Variants in PSMB7 observed in about 807,000 individuals in gnomAD.
PSMB7 encodes proteasome subunit beta type-7.
PSMB7 carries 5 observed loss-of-function variants against 28.1 expected under a neutral mutation model. That is an observed-to-expected ratio of 0.18 (90% CI 0.09 to 0.37). The LOEUF (loss-of-function observed/expected upper bound fraction) is 0.37. Ranked by LOEUF, PSMB7 falls within the 10% of genes least tolerant of loss-of-function variation. The probability of loss-of-function intolerance (pLI) is 1.00; values close to 1 mark genes in which losing one functional copy is unlikely to be tolerated. For synonymous variants in PSMB7, 122 were observed against 123.7 expected, an observed-to-expected ratio of 0.99 and a Z score of 0.09; for missense variants, 275 against 346.2, an observed-to-expected ratio of 0.79 and a Z score of 1.63.
chr9:124,375,638 C>T lies in PSMB7; in HGVS notation c.570+8960G>A, dbSNP rs567979778. 5.9e-5 allele frequency among the ~76,000 whole-genome samples: 9 copies of T among 152,154 alleles called. 1 individual carries two copies. Among genetic ancestry groups the T allele is most frequent in the South Asian group, 4.2e-4 (2 of 4,814 alleles). On this transcript the variant is annotated intron_variant, in intron 6 of 7. Transcript: ENST00000259457. ...CTCATTAAGCTGACACCTATTAAAG[C>T]GCCATAAGAAAAACAGCCTGAAACA...
Position 124,356,730 on chromosome 9 carries a change from G to T in PSMB7, c.722+34C>A, listed in dbSNP as rs137977915. The T allele has an allele frequency of 2.6e-3, 4,184 of 1,595,950 alleles. 12 individuals are homozygous for T. Among genetic ancestry groups the T allele is most frequent in the Non-Finnish European group, 3.0e-3 (3,524 of 1,167,044 alleles). ...ATACCAAGGGTGGCCACGACGCCAG[G>T]GGACCCAGGAAGAACTTCGTCTCCT... On this transcript the variant is annotated intron_variant, in intron 7 of 7. Transcript: ENST00000259457. This position sits in a 1 kb window ranked among gnomAD's most constrained non-coding sequence, Gnocchi z 4.4.
At chr9:124,378,636 T>A (rs545216989) in intron 6 of PSMB7, among the ~76,000 whole-genome samples, 11 of 152,348 alleles carry the variant, frequency 7.2e-5, no homozygotes, top group African/African-American at 2.2e-4. Flanking sequence ...TCTACCCATT[T>A]TAATGAATTG....
At chr9:124,379,524 A>G (rs2131157543) in intron 6 of PSMB7, among the ~76,000 whole-genome samples, 1 of 152,348 alleles carries the variant, frequency 6.6e-6, no homozygotes. Context: ...AAGATTTTTA[A>G]TGTGCCCTAA....
intron 6 of PSMB7, among the ~76,000 whole-genome samples, chr9:124,371,808 G>A (rs1311497809): frequency 2.6e-5 from 4 of 152,214 alleles, no homozygotes; most frequent in Admixed American, 6.5e-5. Context: ...AAACACTTAC[G>A]AATTCAACAC....
At chr9:124,373,703 C>A (rs1830583784) in intron 6 of PSMB7, among the ~76,000 whole-genome samples, 1 of 152,096 alleles carries the variant, frequency 6.6e-6, no homozygotes, top group Admixed American at 6.5e-5. Context: ...AGGATGACTA[C>A]AATCCAAAGG....
intron 6 of PSMB7, among the ~76,000 whole-genome samples, chr9:124,381,077 G>C (rs1223706196): frequency 6.6e-6 from 1 of 152,166 alleles, no homozygotes; most frequent in Non-Finnish European, 1.5e-5. Flanking sequence ...TCTGAAACCT[G>C]GTGTGCGTTT....
intron 5 of PSMB7, among the ~76,000 whole-genome samples, chr9:124,400,745 A>C (rs1009053443): frequency 4.3e-5 from 3 of 69,360 alleles, no homozygotes; most frequent in African/African-American, 1.7e-4. Flanking sequence ...TGCTTGCAAC[A>C]GAGAATTCTG....
intron 6 of PSMB7, among the ~76,000 whole-genome samples, chr9:124,374,869 C>T (rs1410548862): frequency 1.3e-5 from 2 of 152,030 alleles, no homozygotes; most frequent in East Asian, 1.9e-4. Flanking sequence ...TGGCCAGGCA[C>T]GGTGGCTCAT....
At chr9:124,397,439 C>A (rs1436162460) in intron 5 of PSMB7, among the ~76,000 whole-genome samples, 1 of 152,176 alleles carries the variant, frequency 6.6e-6, no homozygotes, top group Non-Finnish European at 1.5e-5. Context: ...GCGCTCAATG[C>A]AGATCAGCTG....
chr9:124,375,986 A>G (rs895122375), intron 6 of PSMB7, among the ~76,000 whole-genome samples: 1 of 152,198 alleles, frequency 6.6e-6, no homozygotes, highest in Non-Finnish European at 1.5e-5. Flanking sequence ...AAGATCACTA[A>G]TGAATACAGA....
chr9:124,357,012 G>C (rs1172083962), intron 6 of PSMB7, 97 bp from the exon 7 acceptor site: 2 of 1,316,044 alleles, frequency 1.5e-6, no homozygotes, highest in Admixed American at 2.1e-5. Context: ...AAGACCTCCC[G>C]CGAGACAGGT....
chr9:124,405,527 A>T, intron 4 of PSMB7, 95 bp from the exon 5 acceptor site: 2 of 798,974 alleles, frequency 2.5e-6, no homozygotes, highest in Non-Finnish European at 4.2e-6. Context: ...GGTAACAAAA[A>T]GTTTTCCTTA....
intron 5 of PSMB7, among the ~76,000 whole-genome samples, chr9:124,402,246 C>G (rs769394034): frequency 6.6e-6 from 1 of 152,148 alleles, no homozygotes. Context: ...CTTGGACAGA[C>G]AGGAGGTCAC....
At chr9:124,362,490 G>C (rs1030413249) in intron 6 of PSMB7, among the ~76,000 whole-genome samples, 1 of 152,206 alleles carries the variant, frequency 6.6e-6, no homozygotes, top group Non-Finnish European at 1.5e-5. Context: ...ATTTCCCTGT[G>C]TCTTTCTGAA....
At chr9:124,403,860 A>C (rs965588692) in intron 5 of PSMB7, among the ~76,000 whole-genome samples, 38 of 149,428 alleles carry the variant, frequency 2.5e-4, no homozygotes, top group African/African-American at 6.9e-4. Context: ...CTCAAATCTC[A>C]CCTTCTTCAT....
chr9:124,357,603 T>G (rs771798988), intron 6 of PSMB7, among the ~76,000 whole-genome samples: 4 of 152,150 alleles, frequency 2.6e-5, no homozygotes, highest in Non-Finnish European at 4.4e-5. Context: ...TGAATCACTC[T>G]CTCCTTTGCC....
intron 6 of PSMB7, among the ~76,000 whole-genome samples, chr9:124,365,828 T>C (rs1830501799): frequency 6.6e-6 from 1 of 152,084 alleles, no homozygotes; most frequent in Non-Finnish European, 1.5e-5. Context: ...GGCAGGAGGA[T>C]TACTTGAGCC....
chr9:124,366,283 C>T (rs776785485), intron 6 of PSMB7, among the ~76,000 whole-genome samples: 14 of 152,024 alleles, frequency 9.2e-5, no homozygotes, highest in Non-Finnish European at 1.5e-4. Context: ...CGTGGTGATG[C>T]GAGCCTGCTG....
intron 6 of PSMB7, among the ~76,000 whole-genome samples, chr9:124,380,734 A>C (rs1417704167): frequency 1.3e-5 from 2 of 152,166 alleles, no homozygotes; most frequent in African/African-American, 4.8e-5. Flanking sequence ...TGAGTGCCAA[A>C]ACCCATTGAA....
Sources: allele counts gnomAD v4.1 joint callset (sites outside exome capture counted in the v4.1 genomes callset), GRCh38; gene constraint gnomAD v4.1.1; non-coding constraint Gnocchi (gnomAD v3.1); transcripts MANE v1.5; gene names NCBI Gene and HGNC (gene_info 2026-07-23, HGNC 2026-07-21).